CHN1: variants seen among roughly 807,000 people sequenced by gnomAD.
CHN1 encodes N-chimaerin.
Under a neutral mutation model 59.5 loss-of-function variants are expected in CHN1, and 37 were observed. The ratio of observed to expected loss-of-function variants is 0.62; its 90% CI spans 0.48 to 0.82. The LOEUF is 0.82. Among genes scored for constraint, CHN1 ranks in the 40% least tolerant of loss-of-function variants. The probability of loss-of-function intolerance (pLI) is 0.00; values close to 1 mark genes in which losing one functional copy is unlikely to be tolerated. For synonymous variants in CHN1, 206 were observed against 200.4 expected, an observed-to-expected ratio of 1.03 and a Z score of -0.24; for missense variants, 469 against 571.0, an observed-to-expected ratio of 0.82 and a Z score of 1.82.
At chr2:174,945,818 G>A (rs982324540) in intron 2 of CHN1, among the ~76,000 whole-genome samples, 8 of 151,670 alleles carry the variant, frequency 5.3e-5, no homozygotes, top group Admixed American at 1.3e-4. Flanking sequence ...ATGATTACAC[G>A]GACTCTACTT....
intron 7 of CHN1, among the ~76,000 whole-genome samples, chr2:174,825,334 T>C (rs2105403079): frequency 6.6e-6 from 1 of 152,370 alleles, no homozygotes; most frequent in South Asian, 2.1e-4. Context: ...AAACATTTGA[T>C]ATTTATTATG....
At chr2:174,854,491 T>C (rs1040011439) in intron 6 of CHN1, among the ~76,000 whole-genome samples, 2 of 152,200 alleles carry the variant, frequency 1.3e-5, no homozygotes, top group Non-Finnish European at 2.9e-5. Context: ...TGGATTTGCA[T>C]TGAGCTAGCG....
At chr2:175,002,393 G>A (rs1395677983) in intron 1 of CHN1, among the ~76,000 whole-genome samples, 4 of 152,124 alleles carry the variant, frequency 2.6e-5, no homozygotes, top group Admixed American at 2.6e-4. Context: ...TAACAGTGAG[G>A]ATGAGAGATA....
At chr2:174,828,054 G>A (rs1254580406) in intron 7 of CHN1, among the ~76,000 whole-genome samples, 8 of 152,196 alleles carry the variant, frequency 5.3e-5, no homozygotes, top group Admixed American at 5.2e-4. Flanking sequence ...CCTTCCCTGA[G>A]TTGGGAGGGA....
intron 1 of CHN1, among the ~76,000 whole-genome samples, chr2:174,965,808 G>T (rs534585433): frequency 6.6e-6 from 1 of 152,056 alleles, no homozygotes; most frequent in Non-Finnish European, 1.5e-5. Flanking sequence ...TCAATATTTA[G>T]ACACACCAAA....
At chr2:174,975,358 T>C (rs1690888610) in intron 1 of CHN1, among the ~76,000 whole-genome samples, 1 of 152,144 alleles carries the variant, frequency 6.6e-6, no homozygotes, top group Non-Finnish European at 1.5e-5. Flanking sequence ...ATCAGTATTC[T>C]TTCATCTAAA....
chr2:174,892,614 T>C (rs1688087896), intron 5 of CHN1, among the ~76,000 whole-genome samples: 1 of 152,234 alleles, frequency 6.6e-6, no homozygotes, highest in African/African-American at 2.4e-5. Flanking sequence ...AAACTCATTT[T>C]ATGATGCTAG....
chr2:174,867,301 C>T (rs985731526), intron 6 of CHN1, among the ~76,000 whole-genome samples: 13 of 151,078 alleles, frequency 8.6e-5, no homozygotes, highest in Admixed American at 1.3e-4. Flanking sequence ...CACCTGAACT[C>T]GGGAGATGGA....
rs1013552669 is a variant in CHN1 at position 174,906,354 on chromosome 2, T to C, written c.260+8704A>G. Reference sequence around the variant, plus strand: ...CATTATGCTAAGGGAAAAATGTCAGTCACGAACATATATAATGTCATTTAT... The same window carrying C: ...CATTATGCTAAGGGAAAAATGTCAGCCACGAACATATATAATGTCATTTAT... On this transcript the variant is annotated intron_variant, in intron 5 of 12. Transcript: ENST00000409900. 3.9e-5 allele frequency among the ~76,000 whole-genome samples: 6 copies of C among 152,148 alleles called. No homozygotes were observed. The East Asian group carries it at 9.6e-4, about 24-fold the overall frequency.
chr2:174,839,341 C>A (rs1686207587), intron 7 of CHN1, among the ~76,000 whole-genome samples: 1 of 152,002 alleles, frequency 6.6e-6, no homozygotes, highest in South Asian at 2.1e-4. Context: ...ATTTATTCAG[C>A]CTTAATAAAG....
chr2:174,934,266 G>A (rs900475475), intron 3 of CHN1, among the ~76,000 whole-genome samples: 1 of 152,184 alleles, frequency 6.6e-6, no homozygotes, highest in Non-Finnish European at 1.5e-5. Flanking sequence ...GGGGTAATGG[G>A]AGACAGTGAC....
chr2:174,847,535 A>C, intron 6 of CHN1: 1 of 1,232,340 alleles, frequency 8.1e-7, no homozygotes. Flanking sequence ...TCTGAATGAA[A>C]GATGCCTACA....
intron 5 of CHN1, among the ~76,000 whole-genome samples, chr2:174,893,338 G>A (rs558890384): frequency 5.3e-5 from 8 of 152,036 alleles, no homozygotes; most frequent in African/African-American, 1.9e-4. Flanking sequence ...TGAACAATCC[G>A]AAAGGGTAAC....
At chr2:174,962,861 G>A (rs1269411719) in intron 1 of CHN1, among the ~76,000 whole-genome samples, 1 of 152,128 alleles carries the variant, frequency 6.6e-6, no homozygotes, top group Non-Finnish European at 1.5e-5. Context: ...AGCGAGCCAA[G>A]ATCGTGCCAC....
At chr2:174,945,927 G>GTATATA (rs66901515) in intron 2 of CHN1, among the ~76,000 whole-genome samples, 5 of 150,406 alleles carry the variant, frequency 3.3e-5, no homozygotes, top group African/African-American at 1.2e-4. Context: ...GTGTGTGTGT[G>GTATATA]TGTGTATATA....
intron 11 of CHN1, among the ~76,000 whole-genome samples, chr2:174,805,206 C>T (rs752464420): frequency 2.6e-5 from 4 of 152,178 alleles, no homozygotes; most frequent in Non-Finnish European, 1.5e-5. Context: ...CACAGAAGGG[C>T]TTCATAACTG....
chr2:174,999,313 A>G (rs1691810127), intron 1 of CHN1, among the ~76,000 whole-genome samples: 1 of 152,184 alleles, frequency 6.6e-6, no homozygotes, highest in Admixed American at 6.5e-5. Context: ...TACATATTTC[A>G]GATAAATAAA....
intron 3 of CHN1, among the ~76,000 whole-genome samples, chr2:174,929,577 C>CA (rs5836479): frequency 0.11 from 16,439 of 143,160 alleles, 1,990 homozygotes; most frequent in African/African-American, 0.31. Context: ...GACTCTATTT[C>CA]AAAAAAAAAA....
intron 8 of CHN1, among the ~76,000 whole-genome samples, chr2:174,821,005 C>T (rs1172108380): frequency 6.6e-6 from 1 of 152,114 alleles, no homozygotes; most frequent in Non-Finnish European, 1.5e-5. Flanking sequence ...AAATACATTT[C>T]TTTTCTGACA....
Sources: gnomAD v4.1 joint callset for allele counts (sites outside exome capture counted in the v4.1 genomes callset) on GRCh38, gnomAD v4.1.1 for gene constraint, MANE v1.5 for transcripts, NCBI Gene and HGNC (gene_info 2026-07-23, HGNC 2026-07-21) for gene names.